The following ABTB3 variants were observed in gnomAD, a reference collection of about 807,000 sequenced individuals.
ABTB3 encodes ankyrin repeat and BTB domain containing 3.
chr12:107,593,289 G>T, the ABTB3 span, among the ~76,000 whole-genome samples: 1 of 152,084 alleles, frequency 6.6e-6, no homozygotes, highest in Non-Finnish European at 1.5e-5. Context: ...GAGAACATGC[G>T]GTCCTCAAAG....
chr12:107,386,735 C>T, the ABTB3 span, among the ~76,000 whole-genome samples: 1 of 152,120 alleles, frequency 6.6e-6, no homozygotes, highest in Non-Finnish European at 1.5e-5. Flanking sequence ...GAGCGGCTGG[C>T]TGCTTGGTCT....
chr12:107,460,980 A>C, the ABTB3 span, among the ~76,000 whole-genome samples: 1 of 152,216 alleles, frequency 6.6e-6, no homozygotes, highest in Admixed American at 6.5e-5. Context: ...GACATACCCA[A>C]GACTGGGTAA....
At chr12:107,395,397 G>A in the ABTB3 span, among the ~76,000 whole-genome samples, 2 of 152,208 alleles carry the variant, frequency 1.3e-5, no homozygotes, top group African/African-American at 2.4e-5. Context: ...GGAAATGAAT[G>A]CAGATGAATT....
chr12:107,398,931 A>G, the ABTB3 span, among the ~76,000 whole-genome samples: 1 of 152,154 alleles, frequency 6.6e-6, no homozygotes, highest in South Asian at 2.1e-4. Flanking sequence ...GATCCTAGAC[A>G]AGCTATACTG....
At chr12:107,655,256 A>AATATATATTTATATAT in the ABTB3 span, among the ~76,000 whole-genome samples, 1 of 148,766 alleles carries the variant, frequency 6.7e-6, no homozygotes, top group African/African-American at 2.5e-5. Context: ...GCCTCTTTCA[A>AATATATATTTATATAT]ATATATATAT....
the ABTB3 span, among the ~76,000 whole-genome samples, chr12:107,367,439 A>G: frequency 2.0e-4 from 31 of 152,098 alleles, no homozygotes; most frequent in African/African-American, 7.0e-4. Context: ...TCAGAAGTTC[A>G]CGGAAATTTT....
At chr12:107,508,058 G>C in the ABTB3 span, among the ~76,000 whole-genome samples, 232 of 147,330 alleles carry the variant, frequency 1.6e-3, no homozygotes, top group African/African-American at 5.4e-3. Flanking sequence ...ATTGATGGAA[G>C]GGTAGAAAGA....
At chr12:107,453,049 G>A in the ABTB3 span, among the ~76,000 whole-genome samples, 1 of 152,104 alleles carries the variant, frequency 6.6e-6, no homozygotes, top group Non-Finnish European at 1.5e-5. Context: ...GTAGAGAAAG[G>A]GTCAGCTATG....
the ABTB3 span, among the ~76,000 whole-genome samples, chr12:107,345,357 G>T: frequency 6.6e-6 from 1 of 152,204 alleles, no homozygotes; most frequent in Admixed American, 6.5e-5. Context: ...AGCTCTCTAT[G>T]AAGGGAGAGT....
the ABTB3 span, among the ~76,000 whole-genome samples, chr12:107,551,172 C>G: frequency 6.6e-6 from 1 of 152,214 alleles, no homozygotes; most frequent in South Asian, 2.1e-4. Context: ...GCAATCACAT[C>G]TGGCTCATTT....
chr12:107,354,337 C>T, the ABTB3 span, among the ~76,000 whole-genome samples: 1 of 152,140 alleles, frequency 6.6e-6, no homozygotes, highest in African/African-American at 2.4e-5. Context: ...CATCTTAGGA[C>T]ACTTTGCCCC....
chr12:107,329,649 A>G, the ABTB3 span, among the ~76,000 whole-genome samples: 3 of 152,202 alleles, frequency 2.0e-5, no homozygotes, highest in Non-Finnish European at 4.4e-5. Context: ...CAGGCAAGTT[A>G]CCTAACCTCT....
chr12:107,409,451 A>G, the ABTB3 span, among the ~76,000 whole-genome samples: 1 of 152,240 alleles, frequency 6.6e-6, no homozygotes, highest in Non-Finnish European at 1.5e-5. Flanking sequence ...GAATATAAAG[A>G]TACATGCACC....
chr12:107,615,066 C>A, the ABTB3 span: 1 of 1,612,674 alleles, frequency 6.2e-7, no homozygotes, highest in Non-Finnish European at 8.5e-7. Flanking sequence ...TATAGGTTGT[C>A]AGTACTCCTC....
the ABTB3 span, among the ~76,000 whole-genome samples, chr12:107,637,440 G>C: frequency 6.6e-6 from 1 of 152,080 alleles, no homozygotes; most frequent in African/African-American, 2.4e-5. Flanking sequence ...TTCAGCCCAA[G>C]CATTAGAATT....
At chr12:107,574,581 G>T in the ABTB3 span, among the ~76,000 whole-genome samples, 3 of 152,210 alleles carry the variant, frequency 2.0e-5, no homozygotes, top group Admixed American at 2.0e-4. Context: ...AATTAGCTGG[G>T]TGTGGTGGCA....
chr12:107,436,105 C>T, the ABTB3 span, among the ~76,000 whole-genome samples: 1 of 152,232 alleles, frequency 6.6e-6, no homozygotes, highest in South Asian at 2.1e-4. Context: ...GCCACCAGCA[C>T]AGCCCACGTG....
chr12:107,517,924 A>T, the ABTB3 span, among the ~76,000 whole-genome samples: 3 of 152,250 alleles, frequency 2.0e-5, no homozygotes, highest in African/African-American at 7.2e-5. Flanking sequence ...ACAAGAAAAA[A>T]ACAAACAACT....
At chr12:107,321,359 G>A in the ABTB3 span, among the ~76,000 whole-genome samples, 1 of 152,198 alleles carries the variant, frequency 6.6e-6, no homozygotes, top group Non-Finnish European at 1.5e-5. Flanking sequence ...GAACAAGCGG[G>A]CGCGCAGGGC....
Sources: allele counts gnomAD v4.1 joint callset (sites outside exome capture counted in the v4.1 genomes callset), GRCh38; gene constraint gnomAD v4.1.1; transcripts MANE v1.5; gene names NCBI Gene and HGNC (gene_info 2026-07-23, HGNC 2026-07-21).